Variants in CGGBP1 observed in about 807,000 individuals in gnomAD.
CGGBP1 encodes the protein CGG triplet repeat-binding protein 1.
A neutral mutation model predicts 11.4 loss-of-function variants in CGGBP1; 4 were observed. That is an observed-to-expected ratio of 0.35 (90% CI 0.17 to 0.80). The LOEUF is 0.80. Ranked by LOEUF, CGGBP1 falls within the 30% of genes least tolerant of loss-of-function variation. The pLI, the probability that CGGBP1 is intolerant of heterozygous loss-of-function variation, is 0.52. For missense variants in CGGBP1, 135 were observed against 202.1 expected (o/e 0.67, Z 2.01); for synonymous variants, 76 against 74.1 (o/e 1.03, Z -0.13).
At chr3:88,134,529 A>G (rs1326379192) in intron 2 of CGGBP1, among the ~76,000 whole-genome samples, 9 of 152,066 alleles carry the variant, frequency 5.9e-5, no homozygotes, top group African/African-American at 1.7e-4. Context: ...TACCTATGAA[A>G]TAGTTCAAAT....
At chr3:88,103,599 A>T (rs1000460330) in intron 2 of CGGBP1, among the ~76,000 whole-genome samples, 1 of 152,190 alleles carries the variant, frequency 6.6e-6, no homozygotes, top group Non-Finnish European at 1.5e-5. Context: ...TAAAGGATCC[A>T]GCTACAGAAA....
intron 2 of CGGBP1, among the ~76,000 whole-genome samples, chr3:88,075,779 TC>T (rs1385109603): frequency 6.6e-6 from 1 of 152,192 alleles, no homozygotes; most frequent in Non-Finnish European, 1.5e-5. Flanking sequence ...GTTTTTTTGT[TC>T]CTTCAGTTAT....
chr3:88,116,781 ACT>A (rs1234522002), intron 2 of CGGBP1, among the ~76,000 whole-genome samples: 1 of 151,762 alleles, frequency 6.6e-6, no homozygotes, highest in African/African-American at 2.4e-5. Flanking sequence ...CATCCTCTTT[ACT>A]CTCTCATAGG....
At chr3:88,066,365 G>C (rs555457931) in intron 2 of CGGBP1, among the ~76,000 whole-genome samples, 5 of 152,260 alleles carry the variant, frequency 3.3e-5, no homozygotes, top group Non-Finnish European at 7.4e-5. Context: ...CTTGAGCTCA[G>C]GAGTTCGATA....
intron 2 of CGGBP1, among the ~76,000 whole-genome samples, chr3:88,065,191 A>T (rs559170863): frequency 1.4e-4 from 21 of 152,364 alleles, no homozygotes; most frequent in African/African-American, 4.8e-4. Context: ...CCCTGGAAAG[A>T]CATCAACTCG....
intron 2 of CGGBP1, among the ~76,000 whole-genome samples, chr3:88,097,714 A>G (rs1704147018): frequency 6.6e-6 from 1 of 152,210 alleles, no homozygotes; most frequent in Admixed American, 6.5e-5. Flanking sequence ...GAACTGAACA[A>G]CCGGCTCCTG....
At chr3:88,068,737 A>G (rs1158918040) in intron 2 of CGGBP1, among the ~76,000 whole-genome samples, 2 of 152,162 alleles carry the variant, frequency 1.3e-5, no homozygotes, top group African/African-American at 4.8e-5. Context: ...CATTTAATCC[A>G]CTACCCTACA....
At chr3:88,129,386 A>G (rs1275373383) in intron 2 of CGGBP1, among the ~76,000 whole-genome samples, 1 of 150,530 alleles carries the variant, frequency 6.6e-6, no homozygotes, top group South Asian at 2.1e-4. Flanking sequence ...ATAAAGTACT[A>G]GAGGTAAAAT....
rs1384356101 is a variant in CGGBP1, at chr3:88,070,422, C to T, written c.-228-12199G>A. 2.0e-5 allele frequency among the ~76,000 whole-genome samples: 3 copies of T among 151,500 alleles called. No homozygotes were observed. The East Asian group carries it at 5.8e-4, about 29-fold the overall frequency. ...TTTGCATTTTCTTGGTGAGCAGATC[C>T]AAATTTCTTTTTTTTTTTAATCAGA... is the stretch of plus-strand genomic sequence containing the variant. On this transcript the variant is annotated intron_variant, in intron 2 of 3. Transcript: ENST00000462901.
At chr3:88,116,031 G>A (rs1705368179) in intron 2 of CGGBP1, among the ~76,000 whole-genome samples, 1 of 152,074 alleles carries the variant, frequency 6.6e-6, no homozygotes, top group Admixed American at 6.5e-5. Flanking sequence ...GAGAGAAAGA[G>A]AGAACTTCCA....
At chr3:88,126,217 A>C (rs1167377025) in intron 2 of CGGBP1, 1 of 1,530,932 alleles carries the variant, frequency 6.5e-7, no homozygotes, top group Non-Finnish European at 8.7e-7. Context: ...GCCCATGGGA[A>C]GATCCAGTGT....
chr3:88,147,096 A>C (rs1707326560), intron 1 of CGGBP1, among the ~76,000 whole-genome samples: 1 of 152,176 alleles, frequency 6.6e-6, no homozygotes, highest in African/African-American at 2.4e-5. Context: ...TTTATTCAAC[A>C]AATATTCATT....
Position 88,054,350 on chromosome 3 carries a change from T to G in CGGBP1, c.*1123A>C, listed in dbSNP as rs1268313606. 1 of 152,274 alleles carries G rather than the reference T, an allele frequency of 6.6e-6. No homozygotes were observed. Among genetic ancestry groups the G allele is most frequent in the Non-Finnish European group, 1.5e-5 (1 of 68,018 alleles). The allele number at this position is 152,274 out of a possible 1,614,324, so 9.4% of individuals were successfully genotyped here. A position where few individuals can be genotyped will look rare whatever the true frequency, so the allele number is the denominator to read the frequency against. Reference sequence around the variant, plus strand: ...TCAAACAGAGATCATTTCCTGAACATGGCTGATCTTTAAGAGAACAATTTC... The same window carrying G: ...TCAAACAGAGATCATTTCCTGAACAGGGCTGATCTTTAAGAGAACAATTTC... On this transcript the variant is annotated 3_prime_UTR_variant, in exon 4 of 4. Transcript: ENST00000482016.
intron 2 of CGGBP1, among the ~76,000 whole-genome samples, chr3:88,077,374 C>T (rs1281547694): frequency 3.4e-5 from 5 of 148,166 alleles, no homozygotes; most frequent in African/African-American, 1.3e-4. Context: ...CGCTCTGTTG[C>T]CCAGGCTGGA....
At chr3:88,128,494 T>C (rs1346547808) in intron 2 of CGGBP1, among the ~76,000 whole-genome samples, 1 of 152,098 alleles carries the variant, frequency 6.6e-6, no homozygotes, top group Non-Finnish European at 1.5e-5. Flanking sequence ...AGACCCATGT[T>C]ACTTGGAACA....
At chr3:88,058,646 G>A (rs1706647920) in intron 1 of CGGBP1, among the ~76,000 whole-genome samples, 169 bp downstream of exon 1, 1 of 152,158 alleles carries the variant, frequency 6.6e-6, no homozygotes, top group South Asian at 2.1e-4. Flanking sequence ...GCGGCGGCAG[G>A]CGCCTGGCGG....
chr3:88,140,204 G>A (rs776341773), intron 2 of CGGBP1: 1 of 1,613,840 alleles, frequency 6.2e-7, no homozygotes, highest in South Asian at 1.1e-5. Flanking sequence ...TTCAGGCTCA[G>A]TGTAGTTTTC....
chr3:88,110,883 G>A (rs559706428), intron 2 of CGGBP1, among the ~76,000 whole-genome samples: 3 of 152,122 alleles, frequency 2.0e-5, no homozygotes, highest in African/African-American at 7.2e-5. Flanking sequence ...GATGTGTTTT[G>A]CCTTTATTTG....
upstream of CGGBP1, among the ~76,000 whole-genome samples, chr3:88,063,544 T>C (rs751943541): frequency 4.6e-5 from 7 of 152,220 alleles, no homozygotes; most frequent in Non-Finnish European, 1.0e-4. Flanking sequence ...ATAATACTTA[T>C]TATAGCTCTA....
Sources: allele counts gnomAD v4.1 joint callset (sites outside exome capture counted in the v4.1 genomes callset), GRCh38; gene constraint gnomAD v4.1.1; transcripts MANE v1.5; gene names NCBI Gene and HGNC (gene_info 2026-07-23, HGNC 2026-07-21).